The following SERTAD2 variants were observed in gnomAD, a reference collection of about 807,000 sequenced individuals.
SERTAD2 encodes the protein SERTA domain-containing protein 2.
Under a neutral mutation model 15.4 loss-of-function variants are expected in SERTAD2, and 2 were observed. The observed-to-expected ratio is 0.13, with a 90% CI of 0.05 to 0.41. The LOEUF is 0.41. SERTAD2 is among the 10% of genes least tolerant of loss of function. The probability of loss-of-function intolerance (pLI) is 0.99; values close to 1 mark genes in which losing one functional copy is unlikely to be tolerated. For missense variants in SERTAD2, 333 were observed against 409.7 expected (o/e 0.81, Z 1.62); for synonymous variants, 180 against 178.0 (o/e 1.01, Z -0.09).
At chr2:64,644,296 G>A (rs189291968) in intron 1 of SERTAD2, among the ~76,000 whole-genome samples, 14 of 152,364 alleles carry the variant, frequency 9.2e-5, no homozygotes, top group African/African-American at 3.4e-4. Context: ...GTAGGGCCAG[G>A]ATTGTTTTGA....
At chr2:64,647,339 T>A (rs1297740900) in intron 1 of SERTAD2, among the ~76,000 whole-genome samples, 1 of 152,142 alleles carries the variant, frequency 6.6e-6, no homozygotes, top group Non-Finnish European at 1.5e-5. Context: ...GGTGTCAGAG[T>A]ATGTTTTTAG....
In SERTAD2 at chr2:64,633,599, G is replaced by C. The variant is rs1005049073; in HGVS notation, c.*2328C>G. 6.6e-6 allele frequency: 1 copy of C among 152,224 alleles called. No homozygotes were observed. The highest frequency in any genetic ancestry group is 1.5e-5 in the Non-Finnish European group (1 of 68,040). The allele number at this position is 152,224 out of a possible 1,614,324, so 9.4% of individuals were successfully genotyped here. A position where few individuals can be genotyped will look rare whatever the true frequency, so the allele number is the denominator to read the frequency against. The stretch of plus-strand genomic sequence containing the variant: ...AGGTTTGCCAGGTCCTCCAGTTATA[G>C]AAAGCATGGAATCTGGGCAGACTTG... On this transcript the variant is annotated 3_prime_UTR_variant, in exon 2 of 2. Transcript: ENST00000313349.
At chr2:64,640,351 G>A (rs763814639) in intron 1 of SERTAD2, among the ~76,000 whole-genome samples, 81 of 152,142 alleles carry the variant, frequency 5.3e-4, no homozygotes, top group Non-Finnish European at 9.4e-4. Context: ...AAGGAGAAAA[G>A]ACACGACATG....
intron 1 of SERTAD2, among the ~76,000 whole-genome samples, chr2:64,641,283 G>T (rs530136249): frequency 6.6e-6 from 1 of 152,304 alleles, no homozygotes; most frequent in East Asian, 1.9e-4. Context: ...AGAGGACCAG[G>T]AGCCTGAATG....
Position 64,636,287 on chromosome 2 carries a change from A to G in SERTAD2, c.585T>C (p.Ser195=). The part of the protein sequence containing the change: ...STEAATAATD[S]VKGTSSEAGT... ...CAGCCTCGCTGGAGGTCCCTTTCAC[A>G]CTGTCAGTCGCAGCCGTGGCCGCCT... Residue 195 remains serine (S), a synonymous_variant, in exon 2 of 2, where the codon AGT becomes AGC. Coordinates refer to ENST00000313349, the MANE Select transcript of SERTAD2 (RefSeq NM_014755.3). 6.2e-7 allele frequency: 1 copy of G among 1,614,016 alleles called. No individual in the cohort carries two copies. The highest frequency in any genetic ancestry group is 8.5e-7 in the Non-Finnish European group (1 of 1,180,012).
chr2:64,640,252 G>A (rs965044739), intron 1 of SERTAD2, among the ~76,000 whole-genome samples: 1 of 151,908 alleles, frequency 6.6e-6, no homozygotes, highest in Non-Finnish European at 1.5e-5. Flanking sequence ...TTCAGAAGAG[G>A]CCTCCAACTC....
At chr2:64,651,674 A>G (rs1002613125) in intron 1 of SERTAD2, among the ~76,000 whole-genome samples, 1 of 152,254 alleles carries the variant, frequency 6.6e-6, no homozygotes, top group Non-Finnish European at 1.5e-5. Context: ...TTCAGCAAAC[A>G]GAAGTGTAAA....
intron 1 of SERTAD2, among the ~76,000 whole-genome samples, chr2:64,646,920 A>C (rs930670715): frequency 2.6e-5 from 4 of 152,222 alleles, no homozygotes; most frequent in Admixed American, 2.0e-4. Context: ...TAAAACAATG[A>C]GTCTCAATAA....
intron 1 of SERTAD2, among the ~76,000 whole-genome samples, chr2:64,643,401 G>A (rs1265468601): frequency 1.3e-5 from 2 of 152,214 alleles, no homozygotes; most frequent in East Asian, 1.9e-4. Context: ...ATGCTCTGCC[G>A]CTCACCTGGG....
chr2:64,642,154 T>C (rs1160469486), intron 1 of SERTAD2, among the ~76,000 whole-genome samples: 2 of 152,262 alleles, frequency 1.3e-5, no homozygotes, highest in Non-Finnish European at 2.9e-5. Flanking sequence ...ATTTTTGTGA[T>C]AGCAACTGAC....
In SERTAD2 at chr2:64,636,298, C is replaced by T. The variant is rs1188030530; in HGVS notation, c.574G>A (p.Ala192Thr). The change falls in exon 2 of 2, where the codon GCG (alanine) becomes ACG (threonine). Residue 192 changes from alanine (A) to threonine (T), a missense_variant. Ala to Thr is a moderately conservative substitution (Grantham distance 58, BLOSUM62 0). Around this residue, in one of 2 missense-constraint regions of SERTAD2, gnomAD observed 332 missense variants for 392.9 expected, o/e 0.84. Transcript: ENST00000313349. ...TSTSTEAATA[A>T]TDSVKGTSSE... Reference sequence around the variant, plus strand: ...GAGGTCCCTTTCACACTGTCAGTCGCAGCCGTGGCCGCCTCTGTGGAGGTA... The same window carrying T: ...GAGGTCCCTTTCACACTGTCAGTCGTAGCCGTGGCCGCCTCTGTGGAGGTA... 1 of 1,614,108 alleles carries T rather than the reference C, an allele frequency of 6.2e-7. No individual in the cohort carries two copies. Among genetic ancestry groups the T allele is most frequent in the East Asian group, 2.2e-5 (1 of 44,902 alleles).
intron 1 of SERTAD2, chr2:64,644,744 GAAGCT>G (rs1394780665): frequency 6.6e-6 from 1 of 152,328 alleles, no homozygotes; most frequent in Non-Finnish European, 1.5e-5. Flanking sequence ...AATCAGAAAG[GAAGCT>G]AAGAGAAACA....
Position 64,632,490 on chromosome 2 carries a change from G to C in SERTAD2, c.*3437C>G, listed in dbSNP as rs1674555432. ...GTAAAGACACTCGAGAGGTGCAGAG[G>C]AGGCTCTGGCCACTGCTCACCCTTT... On this transcript the variant is annotated 3_prime_UTR_variant, in exon 2 of 2. Coordinates refer to ENST00000313349, the MANE Select transcript of SERTAD2 (RefSeq NM_014755.3). 1 of 152,604 alleles carries C rather than the reference G, an allele frequency of 6.6e-6. No individual in the cohort carries two copies. The highest frequency in any genetic ancestry group is 1.5e-5 in the Non-Finnish European group (1 of 68,046). 9.5% of individuals were successfully genotyped at this position (152,604 alleles called of 1,614,324 possible). A position where few individuals can be genotyped will look rare whatever the true frequency, so the allele number is the denominator to read the frequency against.
At chr2:64,637,545 C>T (rs749246784) in intron 1 of SERTAD2, among the ~76,000 whole-genome samples, 8 of 152,190 alleles carry the variant, frequency 5.3e-5, no homozygotes, top group African/African-American at 7.2e-5. Flanking sequence ...GGGAGGAATG[C>T]GTATGTCCCA....
At chr2:64,651,448 A>G (rs968733844) in intron 1 of SERTAD2, among the ~76,000 whole-genome samples, 1 of 152,184 alleles carries the variant, frequency 6.6e-6, no homozygotes, top group African/African-American at 2.4e-5. Context: ...GTGCCTTTCT[A>G]AAGTAGTGTT....
intron 1 of SERTAD2, among the ~76,000 whole-genome samples, chr2:64,641,104 TC>T (rs1159002249): frequency 6.6e-6 from 1 of 152,194 alleles, no homozygotes; most frequent in African/African-American, 2.4e-5. Flanking sequence ...AATGAAAACT[TC>T]TGGAGTTTTC....
At chr2:64,638,446 T>G (rs892604161) in intron 1 of SERTAD2, among the ~76,000 whole-genome samples, 2 of 152,342 alleles carry the variant, frequency 1.3e-5, no homozygotes, top group African/African-American at 2.4e-5. Flanking sequence ...GAATATAAAC[T>G]TCACAGAACT....
At position 64,636,585 on chromosome 2, in the gene SERTAD2, G is replaced by C. The variant is rs753510549; in HGVS notation, c.287C>G (p.Pro96Arg). ...FTPSSQPTTEPSDSYREAPPA... is the reference protein window; with the variant it reads ...FTPSSQPTTERSDSYREAPPA... Reference sequence around the variant, plus strand: ...CGGGGCCTCTCGGTAGCTGTCGCTGGGCTCGGTGGTGGGCTGGGAGGAGGG... The same window carrying C: ...CGGGGCCTCTCGGTAGCTGTCGCTGCGCTCGGTGGTGGGCTGGGAGGAGGG... The change falls in exon 2 of 2, where the codon CCC becomes CGC. Residue 96 changes from proline to arginine, a missense_variant. Physicochemically the swap from Pro to Arg is moderately radical, Grantham distance 103 (BLOSUM62 -2). Around this residue, in one of 2 missense-constraint regions of SERTAD2, gnomAD observed 332 missense variants for 392.9 expected, o/e 0.84. Coordinates refer to ENST00000313349, the MANE Select transcript of SERTAD2 (RefSeq NM_014755.3). 6.2e-7 allele frequency: 1 copy of C among 1,601,240 alleles called. No individual in the cohort carries two copies. The highest frequency in any genetic ancestry group is 1.3e-5 in the African/African-American group (1 of 74,478).
At chr2:64,642,905 G>A (rs977111897) in intron 1 of SERTAD2, among the ~76,000 whole-genome samples, 3 of 147,584 alleles carry the variant, frequency 2.0e-5, no homozygotes, top group African/African-American at 5.1e-5. Flanking sequence ...TAGCCCGGGC[G>A]GAAGGAAAAC....
Sources: allele counts gnomAD v4.1 joint callset (sites outside exome capture counted in the v4.1 genomes callset), GRCh38; gene constraint gnomAD v4.1.1; regional missense constraint gnomAD v4.1.1; transcripts MANE v1.5; gene names NCBI Gene and HGNC (gene_info 2026-07-23, HGNC 2026-07-21).